PNOC: variants seen among roughly 807,000 people sequenced by gnomAD.
The protein encoded by PNOC is prepronociceptin, also known as nociceptin.
Under a neutral mutation model 15.6 loss-of-function variants are expected in PNOC, and 10 were observed. That is an observed-to-expected ratio of 0.64 (90% CI 0.40 to 1.09). The LOEUF is 1.09. Among genes scored for constraint, PNOC ranks in the 50% least tolerant of loss-of-function variants. PNOC has a pLI of 0.01. For missense variants in PNOC, 220 were observed against 223.9 expected (o/e 0.98, Z 0.11); for synonymous variants, 98 against 88.5 (o/e 1.11, Z -0.60).
intron 1 of PNOC, among the ~76,000 whole-genome samples, chr8:28,318,612 T>G (rs1444267954): frequency 6.6e-6 from 1 of 152,202 alleles, no homozygotes; most frequent in Admixed American, 6.5e-5. Flanking sequence ...TTCTACAAGC[T>G]TACACTGAGG....
intron 2 of PNOC, among the ~76,000 whole-genome samples, chr8:28,330,560 C>CTATTTTTTT (rs1801315384): frequency 9.5e-6 from 1 of 105,052 alleles, no homozygotes; most frequent in Non-Finnish European, 2.0e-5. Context: ...CACCCGGCTA[C>CTATTTTTTT]TTTTTTTTTT....
chr8:28,330,456 G>A lies in PNOC; in HGVS notation c.126+1173G>A, dbSNP rs572388957. Among the ~76,000 whole-genome samples the A allele has an allele frequency of 2.6e-3, 347 of 134,406 alleles. 1 individual carries two copies. The highest frequency in any genetic ancestry group is 4.0e-3 in the Non-Finnish European group (260 of 64,322). 88.2% of individuals were successfully genotyped at this position (134,406 alleles called of 152,430 possible). A position where few individuals can be genotyped will look rare whatever the true frequency, so the allele number is the denominator to read the frequency against. ...GTCGCCCAGGCTGGAGTGCAGTGGC[G>A]CAACCTCGGCTCACTGCAAGCTCTG... On this transcript the variant is annotated intron_variant, in intron 2 of 3. Transcript: ENST00000301908.
At chr8:28,335,303 T>A (rs1473381771) in intron 2 of PNOC, among the ~76,000 whole-genome samples, 3 of 152,218 alleles carry the variant, frequency 2.0e-5, no homozygotes, top group Non-Finnish European at 4.4e-5. Context: ...CCACAAGGCA[T>A]CTTTGAGTTC....
chr8:28,328,989 C>T (rs1274079272), intron 1 of PNOC, 146 bp from the exon 2 acceptor site: 31 of 755,006 alleles, frequency 4.1e-5, no homozygotes, highest in Non-Finnish European at 6.3e-5. Flanking sequence ...ATTTACACCC[C>T]TGCAAAGTGA....
intron 3 of PNOC, chr8:28,340,144 C>T (rs1477603766): frequency 6.6e-6 from 1 of 152,258 alleles, no homozygotes; most frequent in Admixed American, 6.5e-5. Context: ...GGTATCATTA[C>T]TGAGCAAGAC....
Position 28,342,993 on chromosome 8 carries a change from T to C in PNOC, c.*99T>C. ...TGTGCTCAGCCCCAGACCTGCCGCC[T>C]GGGAATCAGGATTCCTTCTTCCCCA... On this transcript the variant is annotated 3_prime_UTR_variant, in exon 4 of 4. Transcript: ENST00000301908. 1 of 985,428 alleles carries C rather than the reference T, an allele frequency of 1.0e-6. No homozygotes were observed. The highest frequency in any genetic ancestry group is 1.2e-6 in the Non-Finnish European group (1 of 829,900). The allele number at this position is 985,428 out of a possible 1,614,324, so 61.0% of individuals were successfully genotyped here.
chr8:28,325,174 C>T (rs1334275532), intron 1 of PNOC, among the ~76,000 whole-genome samples: 3 of 152,096 alleles, frequency 2.0e-5, no homozygotes, highest in African/African-American at 4.8e-5. Context: ...TAGATGGGGC[C>T]CCCGAGGCTC....
chr8:28,327,562 A>T (rs35085309), intron 1 of PNOC, among the ~76,000 whole-genome samples: 46,592 of 146,840 alleles, frequency 0.32, 9,342 homozygotes, highest in Non-Finnish European at 0.45. Context: ...ACAACATAAA[A>T]TTCTTTTCTT....
chr8:28,329,752 TAA>T (rs1801291045), intron 2 of PNOC, among the ~76,000 whole-genome samples: 1 of 152,078 alleles, frequency 6.6e-6, no homozygotes, highest in African/African-American at 2.4e-5. Context: ...AGGATTCAAC[TAA>T]CCATGGATAG....
chr8:28,330,401 T>TTTTTTTTTTTTTTTTTA lies in PNOC; in HGVS notation c.126+1129_126+1130insTTTTTATTTTTTTTTTT, dbSNP rs1585833628. 1.9e-4 allele frequency among the ~76,000 whole-genome samples: 8 copies of TTTTTTTTTTTTTTTTTA among 41,714 alleles called. No homozygotes were observed. The South Asian group carries it at 3.6e-3, about 19-fold the overall frequency. 27.4% of individuals were successfully genotyped at this position (41,714 alleles called of 152,430 possible). A position where few individuals can be genotyped will look rare whatever the true frequency, so the allele number is the denominator to read the frequency against. On this transcript the variant is annotated intron_variant, in intron 2 of 3. Transcript: ENST00000301908. ...ATTTTATTTTATTTTATTTTATTTT[T>TTTTTTTTTTTTTTTTTA]TTTTTTTTTTTGAGACGGAGTCTTG...
Position 28,339,097 on chromosome 8 carries a change from A to G in PNOC, c.184A>G (p.Thr62Ala). ...CCCCAGCCCCCTCTGGACTCCATGCACCAAGGTCATGGCCAGGAGCTCTTG... is the reference window on the plus strand; with the variant it reads ...CCCCAGCCCCCTCTGGACTCCATGCGCCAAGGTCATGGCCAGGAGCTCTTG... ...VFPSPLWTPC[T>A]KVMARSSWQL... Residue 62 changes from threonine (T) to alanine (A), a missense_variant, in exon 3 of 4, where the codon ACC becomes GCC. Physicochemically the swap from Thr to Ala is moderately conservative, Grantham distance 58. Coordinates refer to ENST00000301908, the MANE Select transcript of PNOC (RefSeq NM_006228.5). 6.2e-7 allele frequency: 1 copy of G among 1,606,188 alleles called. No individual in the cohort carries two copies. The highest frequency in any genetic ancestry group is 8.5e-7 in the Non-Finnish European group (1 of 1,173,352).
In PNOC at chr8:28,334,049, A is replaced by AACACACACAC. The variant is rs71678743; in HGVS notation, c.126+4797_126+4806dup. Among the ~76,000 whole-genome samples the AACACACACAC allele has an allele frequency of 8.6e-4, 127 of 146,984 alleles. 1 individual carries two copies. The highest frequency in any genetic ancestry group is 3.1e-3 in the African/African-American group (122 of 39,582). ...GCATCCCTGGCCTCTAGGTGCCAGT[A>AACACACACAC]ACACACACACACACACACACACACA... On this transcript the variant is annotated intron_variant, in intron 2 of 3. Transcript: ENST00000301908.
chr8:28,335,609 C>A (rs1002313009), intron 2 of PNOC, among the ~76,000 whole-genome samples: 1 of 152,118 alleles, frequency 6.6e-6, no homozygotes, highest in African/African-American at 2.4e-5. Flanking sequence ...TTCACCACAA[C>A]CTCCGCCTCC....
chr8:28,320,611 G>A (rs935930702), intron 1 of PNOC, among the ~76,000 whole-genome samples: 4 of 152,110 alleles, frequency 2.6e-5, no homozygotes, highest in Non-Finnish European at 5.9e-5. Context: ...AGCACTTTGG[G>A]AGGCCGAGGT....
chr8:28,327,876 G>A (rs981286211), intron 1 of PNOC, among the ~76,000 whole-genome samples: 6 of 151,948 alleles, frequency 3.9e-5, no homozygotes, highest in Admixed American at 1.3e-4. Context: ...CAAGGTGCCT[G>A]CAGATTCAGT....
At chr8:28,339,810 T>G in intron 3 of PNOC, 1 of 176,108 alleles carries the variant, frequency 5.7e-6, no homozygotes, top group Non-Finnish European at 1.2e-5. Flanking sequence ...GCCCATCCAG[T>G]TGCCACAGCA....
chr8:28,337,859 G>A (rs1477236868), intron 2 of PNOC, among the ~76,000 whole-genome samples: 1 of 151,950 alleles, frequency 6.6e-6, no homozygotes, highest in Non-Finnish European at 1.5e-5. Flanking sequence ...CCAAAGTGCT[G>A]GGATTACAGG....
chr8:28,342,882 T>G, intron 3 of PNOC, 60 bp from the exon 4 acceptor site: 2 of 651,216 alleles, frequency 3.1e-6, no homozygotes, highest in Non-Finnish European at 1.9e-6. Flanking sequence ...CTAGGGGGAA[T>G]AGAAAAGGGT....
intron 3 of PNOC, among the ~76,000 whole-genome samples, chr8:28,340,544 C>A (rs549530469): frequency 6.6e-6 from 1 of 152,322 alleles, no homozygotes; most frequent in South Asian, 2.1e-4. Flanking sequence ...GGAATATGAT[C>A]ATCTGCAGAG....
Sources: gnomAD v4.1 joint callset for allele counts (sites outside exome capture counted in the v4.1 genomes callset) on GRCh38, gnomAD v4.1.1 for gene constraint, MANE v1.5 for transcripts, NCBI Gene and HGNC (gene_info 2026-07-23, HGNC 2026-07-21) for gene names.